Variants in ARHGEF28 observed in about 807,000 individuals in gnomAD.
The protein encoded by ARHGEF28 is Rho guanine nucleotide exchange factor 28, also known as 190 kDa guanine nucleotide exchange factor.
Under a neutral mutation model 206.6 loss-of-function variants are expected in ARHGEF28, and 152 were observed. That is an observed-to-expected ratio of 0.74 (90% CI 0.64 to 0.84). ARHGEF28 has a LOEUF of 0.84. Ranked by LOEUF, ARHGEF28 falls within the 40% of genes least tolerant of loss-of-function variation. ARHGEF28 has a pLI of 0.00. For synonymous variants in ARHGEF28, 763 were observed against 776.4 expected (o/e 0.98, Z 0.29); for missense variants, 2,028 against 2,073.2 (o/e 0.98, Z 0.42).
chr5:73,873,985 C>T (rs570890613), intron 22 of ARHGEF28, among the ~76,000 whole-genome samples: 68 of 152,292 alleles, frequency 4.5e-4, no homozygotes, highest in African/African-American at 1.6e-3. Context: ...TTTACATTCT[C>T]ATCAACACTG....
At chr5:73,897,325 T>C (rs1762014944) in intron 29 of ARHGEF28, among the ~76,000 whole-genome samples, 1 of 152,140 alleles carries the variant, frequency 6.6e-6, no homozygotes, top group South Asian at 2.1e-4. Flanking sequence ...CCTCCTCCAA[T>C]CTGTAAACTC....
At chr5:73,799,573 A>G (rs555000825) in intron 9 of ARHGEF28, among the ~76,000 whole-genome samples, 5 of 152,308 alleles carry the variant, frequency 3.3e-5, no homozygotes, top group African/African-American at 1.2e-4. Flanking sequence ...GTTGTGGGTG[A>G]CAGACCAGAT....
At chr5:73,638,096 C>T (rs2055685564) in intron 1 of ARHGEF28, among the ~76,000 whole-genome samples, 1 of 152,206 alleles carries the variant, frequency 6.6e-6, no homozygotes, top group Non-Finnish European at 1.5e-5. Flanking sequence ...CAACCACAAA[C>T]TGTAGCACTT....
intron 2 of ARHGEF28, among the ~76,000 whole-genome samples, chr5:73,691,049 C>A (rs1202811306): frequency 1.3e-5 from 2 of 151,990 alleles, no homozygotes; most frequent in East Asian, 3.9e-4. Context: ...CCTGCCTCAG[C>A]TCCCAGAGTA....
chr5:73,778,097 A>C (rs1580605494), intron 6 of ARHGEF28: 1 of 146,320 alleles, frequency 6.8e-6, no homozygotes, highest in African/African-American at 2.6e-5. Context: ...AAAAAATGCT[A>C]CTCAAGCCTT....
At chr5:73,657,026 A>G (rs1745253308) in intron 1 of ARHGEF28, among the ~76,000 whole-genome samples, 1 of 152,006 alleles carries the variant, frequency 6.6e-6, no homozygotes, top group East Asian at 1.9e-4. Flanking sequence ...ATAAAAAATT[A>G]GCCAGGCATG....
At chr5:73,801,949 C>G (rs909066701) in intron 9 of ARHGEF28, among the ~76,000 whole-genome samples, 1 of 152,186 alleles carries the variant, frequency 6.6e-6, no homozygotes, top group East Asian at 1.9e-4. Context: ...TTGAGAATCA[C>G]GGTCAGAGAT....
intron 7 of ARHGEF28, among the ~76,000 whole-genome samples, chr5:73,784,261 G>A (rs562402848): frequency 2.7e-4 from 41 of 152,194 alleles, no homozygotes; most frequent in Middle Eastern, 3.4e-3. Context: ...TATATCTGTA[G>A]CTGCTATTAA....
At chr5:73,810,710 T>C (rs566936008) in intron 9 of ARHGEF28, among the ~76,000 whole-genome samples, 133 of 152,322 alleles carry the variant, frequency 8.7e-4, no homozygotes, top group Middle Eastern at 6.8e-3. Flanking sequence ...TCTCATAATC[T>C]GCATTTAAAA....
chr5:73,706,139 C>T (rs763169629), intron 2 of ARHGEF28, among the ~76,000 whole-genome samples: 2 of 152,100 alleles, frequency 1.3e-5, no homozygotes, highest in South Asian at 2.1e-4. Context: ...CCTTCTTGTC[C>T]GAAGGAACTG....
Position 73,941,081 on chromosome 5 carries a change from C to G in ARHGEF28, c.*68C>G. 7.4e-7 allele frequency: 1 copy of G among 1,353,468 alleles called. No individual in the cohort carries two copies. Among genetic ancestry groups the G allele is most frequent in the South Asian group, 1.7e-5 (1 of 59,080 alleles). 83.8% of individuals were successfully genotyped at this position (1,353,468 alleles called of 1,614,324 possible). On this transcript the variant is annotated 3_prime_UTR_variant, in exon 36 of 36. Coordinates refer to ENST00000513042, the MANE Select transcript of ARHGEF28 (RefSeq NM_001177693.2). ...TTGGGAGAAACTTTTTGTCTCCATT[C>G]CTTATGTATGTGTGATTGTCTGTGT...
intron 22 of ARHGEF28, among the ~76,000 whole-genome samples, chr5:73,875,263 GTTGT>G (rs1196769515): frequency 1.3e-5 from 2 of 151,684 alleles, no homozygotes; most frequent in Non-Finnish European, 2.9e-5. Context: ...TTTTGATGGG[GTTGT>G]TTGTTTTTTT....
chr5:73,750,905 A>G (rs1455532924), intron 3 of ARHGEF28, among the ~76,000 whole-genome samples: 1 of 152,216 alleles, frequency 6.6e-6, no homozygotes, highest in Non-Finnish European at 1.5e-5. Context: ...TCTGTAACAT[A>G]TCTGCTACAC....
Position 73,893,265 on chromosome 5 carries a change from T to A in ARHGEF28, c.3635T>A (p.Val1212Glu). Residue 1212 changes from valine (V) to glutamate (E), a missense_variant, in exon 28 of 36, where the codon GTG becomes GAG. By Grantham distance (121) the Val-to-Glu change is moderately radical. Transcript: ENST00000513042. The part of the protein sequence containing the change: ...DEDKRKAEAR[V>E]AKIQQCQEIL... ...GACAAGAGGAAAGCTGAAGCCAGAG[T>A]GGCCAAAATTCAGCAATGTCAAGGT... is the stretch of plus-strand genomic sequence containing the variant. 1 of 1,556,450 alleles carries A rather than the reference T, an allele frequency of 6.4e-7. No homozygotes were observed. Among genetic ancestry groups the A allele is most frequent in the African/African-American group, 1.4e-5 (1 of 73,432 alleles).
intron 35 of ARHGEF28, among the ~76,000 whole-genome samples, chr5:73,931,171 A>G (rs1317443440): frequency 6.6e-6 from 1 of 152,176 alleles, no homozygotes; most frequent in Non-Finnish European, 1.5e-5. Flanking sequence ...GCCTGTTGCC[A>G]AGGGTTTGAC....
chr5:73,869,207 A>C, intron 20 of ARHGEF28, among the ~76,000 whole-genome samples: 1 of 62,302 alleles, frequency 1.6e-5, no homozygotes, highest in Non-Finnish European at 2.8e-5. Flanking sequence ...TTTCCTGAGG[A>C]GTGTGTGTGT....
rs564503046 is a variant in ARHGEF28 at position 73,833,188 on chromosome 5, A to T, written c.1146+729A>T. Among the ~76,000 whole-genome samples, 3 of 152,330 alleles carry T rather than the reference A, an allele frequency of 2.0e-5. No homozygotes were observed. The East Asian group carries it at 5.8e-4, about 29-fold the overall frequency. On this transcript the variant is annotated intron_variant, in intron 10 of 35. Transcript: ENST00000513042. ...TATATGGAGGATTTAAGGGATTTTCAAGGGTAGTTTTGATGACACAAAGTC... is the reference window on the plus strand; with the variant it reads ...TATATGGAGGATTTAAGGGATTTTCTAGGGTAGTTTTGATGACACAAAGTC...
At chr5:73,898,132 C>T (rs1762067278) in intron 30 of ARHGEF28, 39 bp downstream of exon 30, 2 of 1,603,396 alleles carry the variant, frequency 1.2e-6, no homozygotes, top group East Asian at 4.5e-5. Flanking sequence ...AGCCTGAGCA[C>T]AGTCCCTGGA....
At chr5:73,834,509 A>AT (rs1005187574) in intron 10 of ARHGEF28, among the ~76,000 whole-genome samples, 2 of 149,078 alleles carry the variant, frequency 1.3e-5, no homozygotes, top group Non-Finnish European at 3.0e-5. Context: ...AAATGGCAGG[A>AT]TTTTTTTTCT....
Sources: allele counts gnomAD v4.1 joint callset (sites outside exome capture counted in the v4.1 genomes callset), GRCh38; gene constraint gnomAD v4.1.1; transcripts MANE v1.5; gene names NCBI Gene and HGNC (gene_info 2026-07-23, HGNC 2026-07-21).